Variants in PARD3 observed in about 807,000 individuals in gnomAD.
The protein encoded by PARD3 is par-3 family cell polarity regulator, also known as partitioning defective 3 homolog.
A neutral mutation model predicts 155.4 loss-of-function variants in PARD3; 75 were observed. The ratio of observed to expected loss-of-function variants is 0.48; its 90% confidence interval spans 0.40 to 0.58. PARD3 has a LOEUF of 0.58. Among genes scored for constraint, PARD3 ranks in the 20% least tolerant of loss-of-function variants. PARD3 has a pLI of 0.00. For missense variants in PARD3, 1,642 were observed against 1,721.7 expected, an observed-to-expected ratio of 0.95 and a Z score of 0.82; for synonymous variants, 576 against 610.5, an observed-to-expected ratio of 0.94 and a Z score of 0.83.
Position 34,119,650 on chromosome 10 carries a change from A to AGCTCTC in PARD3, c.3625_3630dup (p.Glu1209_Ser1210dup), listed in dbSNP as rs748392305. ...CTGTACTGGCGCTGGGCCTGCTGGG[A>AGCTCTC]GCTCTCGCGCTCCTCCTGCCGCTGC... is the stretch of plus-strand genomic sequence containing the variant. On this transcript the variant is annotated inframe_insertion, in exon 24 of 25. Transcript: ENST00000374788. 1 of 1,610,796 alleles carries AGCTCTC rather than the reference A, an allele frequency of 6.2e-7. No homozygotes were observed. Among genetic ancestry groups the AGCTCTC allele is most frequent in the Non-Finnish European group, 8.5e-7 (1 of 1,178,974 alleles).
At chr10:34,304,551 G>T (rs1024723968) in intron 20 of PARD3, among the ~76,000 whole-genome samples, 2 of 152,162 alleles carry the variant, frequency 1.3e-5, no homozygotes, top group African/African-American at 4.8e-5. Context: ...GGTTTTAGGG[G>T]TGGCAAAACC....
At chr10:34,321,758 G>A (rs1958393289) in intron 19 of PARD3, among the ~76,000 whole-genome samples, 1 of 152,152 alleles carries the variant, frequency 6.6e-6, no homozygotes, top group East Asian at 1.9e-4. Flanking sequence ...ACTCTGAAAG[G>A]TATCATGTTA....
intron 2 of PARD3, among the ~76,000 whole-genome samples, chr10:34,610,421 C>T (rs1441939870): frequency 6.6e-6 from 1 of 152,100 alleles, no homozygotes; most frequent in Admixed American, 6.6e-5. Context: ...AAGAATTGGT[C>T]GGACATTATG....
intron 22 of PARD3, 45 bp downstream of exon 22, chr10:34,269,612 A>T (rs768577827): frequency 6.2e-7 from 1 of 1,602,940 alleles, no homozygotes; most frequent in Non-Finnish European, 8.5e-7. Context: ...GAAGCTGTAT[A>T]AAAGCTGATT....
chr10:34,616,942 A>AAAT (rs1474528310), intron 2 of PARD3, among the ~76,000 whole-genome samples: 1 of 151,680 alleles, frequency 6.6e-6, no homozygotes, highest in African/African-American at 2.4e-5. Flanking sequence ...AAAAAAAAAA[A>AAAT]AAAAAAATAA....
intron 2 of PARD3, among the ~76,000 whole-genome samples, chr10:34,620,524 A>G (rs1170644820): frequency 1.3e-5 from 2 of 152,266 alleles, no homozygotes; most frequent in African/African-American, 4.8e-5. Context: ...TATTAAAAAG[A>G]CAATCAAAGG....
At chr10:34,732,531 G>GA (rs1288839323) in intron 1 of PARD3, among the ~76,000 whole-genome samples, 1 of 152,004 alleles carries the variant, frequency 6.6e-6, no homozygotes, top group African/African-American at 2.4e-5. Context: ...CCATTTCTAC[G>GA]AAAAAATTTT....
chr10:34,231,819 A>T (rs929327851), intron 22 of PARD3, among the ~76,000 whole-genome samples: 2 of 152,078 alleles, frequency 1.3e-5, no homozygotes, highest in African/African-American at 4.8e-5. Context: ...GCCCAAGAGA[A>T]CATACTTATT....
At chr10:34,459,424 G>A (rs1028577829) in intron 4 of PARD3, among the ~76,000 whole-genome samples, 4 of 152,132 alleles carry the variant, frequency 2.6e-5, no homozygotes, top group African/African-American at 9.7e-5. Context: ...GCCCGCCTCG[G>A]CCTCCCAAAG....
rs192075785 is a variant in PARD3 at position 34,783,468 on chromosome 10, G to A, written c.120+31408C>T. On this transcript the variant is annotated intron_variant, in intron 1 of 24. Transcript: ENST00000374788. ...AAATACAAAAAATTAGCTGGGCGTG[G>A]TGGCGGGCGCCTGTAATCCCAGCTA... 2.8e-3 allele frequency among the ~76,000 whole-genome samples: 432 copies of A among 151,988 alleles called. 1 individual carries two copies. The highest frequency in any genetic ancestry group is 9.7e-3 in the African/African-American group (402 of 41,462).
At chr10:34,742,735 T>C (rs1253765752) in intron 1 of PARD3, among the ~76,000 whole-genome samples, 1 of 152,230 alleles carries the variant, frequency 6.6e-6, no homozygotes, top group Admixed American at 6.5e-5. Flanking sequence ...AGAGATTGCA[T>C]TCCTTAATTT....
chr10:34,132,345 G>A (rs1035943484), intron 22 of PARD3, among the ~76,000 whole-genome samples: 4 of 93,974 alleles, frequency 4.3e-5, no homozygotes, highest in East Asian at 3.5e-4. Flanking sequence ...CTACGCACAC[G>A]TTTACAAATG....
chr10:34,687,832 G>A (rs1741944350), intron 2 of PARD3, among the ~76,000 whole-genome samples: 1 of 129,404 alleles, frequency 7.7e-6, no homozygotes, highest in African/African-American at 2.8e-5. Flanking sequence ...TGCCCGGTCA[G>A]TTACACCTGA....
chr10:34,255,497 C>T (rs1399092334), intron 22 of PARD3, among the ~76,000 whole-genome samples: 1 of 152,138 alleles, frequency 6.6e-6, no homozygotes, highest in African/African-American at 2.4e-5. Flanking sequence ...TTTCAGAAGA[C>T]TAAAAAATTA....
At chr10:34,257,640 G>A (rs1325744694) in intron 22 of PARD3, among the ~76,000 whole-genome samples, 2 of 152,158 alleles carry the variant, frequency 1.3e-5, no homozygotes, top group Non-Finnish European at 2.9e-5. Flanking sequence ...GCCTGCTAAC[G>A]ACCAAAGTCT....
chr10:34,413,144 TACACACACACACACACAC>T (rs146779470), intron 5 of PARD3, among the ~76,000 whole-genome samples: 1 of 145,882 alleles, frequency 6.9e-6, no homozygotes, highest in Non-Finnish European at 1.5e-5. Flanking sequence ...CAGATATATA[TACACACACACACACACAC>T]ACACACACAC....
chr10:34,681,984 A>G (rs937359345), intron 2 of PARD3, among the ~76,000 whole-genome samples: 3 of 150,944 alleles, frequency 2.0e-5, no homozygotes, highest in African/African-American at 4.9e-5. Context: ...ATTTACTTCA[A>G]TCTCTCAAGT....
At chr10:34,232,827 A>G (rs1953003174) in intron 22 of PARD3, among the ~76,000 whole-genome samples, 1 of 151,932 alleles carries the variant, frequency 6.6e-6, no homozygotes, top group Non-Finnish European at 1.5e-5. Flanking sequence ...CAGCCCCACA[A>G]GTAGCTAGGA....
At chr10:34,469,221 G>A (rs1332390301) in intron 4 of PARD3, among the ~76,000 whole-genome samples, 1 of 152,108 alleles carries the variant, frequency 6.6e-6, no homozygotes, top group Non-Finnish European at 1.5e-5. Context: ...AGCGATTATT[G>A]TGCCTCAGCA....
Sources: allele counts gnomAD v4.1 joint callset (sites outside exome capture counted in the v4.1 genomes callset), GRCh38; gene constraint gnomAD v4.1.1; transcripts MANE v1.5; gene names NCBI Gene and HGNC (gene_info 2026-07-23, HGNC 2026-07-21).